Variants in NTRK3 observed in about 807,000 individuals in gnomAD.
NTRK3 encodes the protein neurotrophic receptor tyrosine kinase 3.
In NTRK3, 24 loss-of-function variants were observed where a neutral mutation model predicts 91.7. That is an observed-to-expected ratio of 0.26 (90% CI 0.19 to 0.37). The LOEUF is 0.37. Ranked by LOEUF, NTRK3 falls within the 10% of genes least tolerant of loss-of-function variation. The pLI, the probability that NTRK3 is intolerant of heterozygous loss-of-function variation, is 1.00. For missense variants in NTRK3, 880 were observed against 1,068.9 expected, an observed-to-expected ratio of 0.82 and a Z score of 2.46; for synonymous variants, 483 against 404.0, an observed-to-expected ratio of 1.20 and a Z score of -2.34.
intron 13 of NTRK3, among the ~76,000 whole-genome samples, chr15:88,060,298 C>T (rs1438426845): frequency 6.6e-6 from 1 of 150,810 alleles, no homozygotes; most frequent in East Asian, 2.0e-4. Context: ...GCAGGAAACT[C>T]GCTTAAACCC....
intron 13 of NTRK3, among the ~76,000 whole-genome samples, chr15:88,037,167 G>A (rs1393069510): frequency 1.3e-5 from 2 of 152,186 alleles, no homozygotes; most frequent in African/African-American, 4.8e-5. Flanking sequence ...TCAGAGCCCT[G>A]GGGACCCCAA....
intron 13 of NTRK3, among the ~76,000 whole-genome samples, chr15:88,091,715 G>A (rs927135039): frequency 2.0e-5 from 3 of 152,216 alleles, no homozygotes; most frequent in African/African-American, 7.2e-5. Flanking sequence ...GGACACAAGG[G>A]TGGGAGATGA....
At chr15:88,044,463 G>C (rs2079968504) in intron 13 of NTRK3, among the ~76,000 whole-genome samples, 1 of 151,546 alleles carries the variant, frequency 6.6e-6, no homozygotes, top group South Asian at 2.1e-4. Context: ...GGGTTTCACT[G>C]TGTTGGCCAG....
intron 3 of NTRK3, among the ~76,000 whole-genome samples, chr15:88,226,481 C>T (rs1469553650): frequency 6.6e-6 from 1 of 152,190 alleles, no homozygotes; most frequent in Non-Finnish European, 1.5e-5. Flanking sequence ...GGTGGGTCTC[C>T]AGTTCCAACA....
chr15:88,012,819 G>A (rs1356736174), intron 14 of NTRK3, among the ~76,000 whole-genome samples: 1 of 152,170 alleles, frequency 6.6e-6, no homozygotes, highest in African/African-American at 2.4e-5. Context: ...TCACCCAGAG[G>A]GCTTATTGAA....
chr15:88,202,562 T>G (rs779772686), intron 3 of NTRK3, among the ~76,000 whole-genome samples: 1 of 152,218 alleles, frequency 6.6e-6, no homozygotes, highest in Non-Finnish European at 1.5e-5. Context: ...GATGCCCTTT[T>G]GACTAAGCGA....
At chr15:88,146,861 A>G (rs2151307533) in intron 6 of NTRK3, among the ~76,000 whole-genome samples, 1 of 152,278 alleles carries the variant, frequency 6.6e-6, no homozygotes. Context: ...TAGAAATGTG[A>G]TCTTAGTTGA....
exon 19 of NTRK3, chr15:87,865,309 A>T (rs2064637041): frequency 4.8e-6 from 1 of 210,014 alleles, no homozygotes; most frequent in East Asian, 7.2e-5. Flanking sequence ...GAGTACTTAT[A>T]ATAGTGGCTT....
At chr15:88,220,947 C>T (rs2050184109) in intron 3 of NTRK3, among the ~76,000 whole-genome samples, 1 of 152,210 alleles carries the variant, frequency 6.6e-6, no homozygotes, top group Admixed American at 6.5e-5. Flanking sequence ...GATTCTTGGG[C>T]TTAACCCCAG....
At chr15:87,956,531 C>A (rs1469738490) in intron 14 of NTRK3, among the ~76,000 whole-genome samples, 2 of 151,788 alleles carry the variant, frequency 1.3e-5, no homozygotes, top group Admixed American at 1.3e-4. Flanking sequence ...GCCTAAGCCT[C>A]CCGAAGTGCT....
At chr15:88,081,519 G>A (rs1311017820) in intron 13 of NTRK3, among the ~76,000 whole-genome samples, 7 of 152,214 alleles carry the variant, frequency 4.6e-5, no homozygotes, top group Non-Finnish European at 1.0e-4. Context: ...GCCTATGACA[G>A]GCATGGGCCC....
intron 17 of NTRK3, among the ~76,000 whole-genome samples, chr15:87,922,236 G>A (rs1011322481): frequency 3.9e-5 from 6 of 152,162 alleles, no homozygotes; most frequent in Admixed American, 2.0e-4. Flanking sequence ...AGTTTCTCCC[G>A]ACTTGAAGGC....
Position 88,240,166 on chromosome 15 carries a change from T to C in NTRK3, c.248+15740A>G, listed in dbSNP as rs1036215619. ...CCCAGAGAAACCCAGGGCTGCTGCA[T>C]CTGTATGGCTCCCCTACTTTCCCAT... is the stretch of plus-strand genomic sequence containing the variant. On this transcript the variant is annotated intron_variant, in intron 3 of 18. Transcript: ENST00000394480. The surrounding 1 kb of genome is among the most constrained non-coding windows in gnomAD (Gnocchi z 4.9). Among the ~76,000 whole-genome samples, 6 of 143,166 alleles carry C rather than the reference T, an allele frequency of 4.2e-5. No homozygotes were observed. The highest frequency in any genetic ancestry group is 1.5e-5 in the Non-Finnish European group (1 of 66,648). 93.9% of individuals were successfully genotyped at this position (143,166 alleles called of 152,430 possible).
chr15:88,244,216 T>C (rs113379503), intron 3 of NTRK3, among the ~76,000 whole-genome samples: 2 of 152,188 alleles, frequency 1.3e-5, no homozygotes, highest in Admixed American at 6.5e-5. Flanking sequence ...CAGAAAGAGA[T>C]AGATGGCCAA....
chr15:88,123,370 G>A (rs889052489), intron 13 of NTRK3, among the ~76,000 whole-genome samples: 3 of 152,214 alleles, frequency 2.0e-5, no homozygotes, highest in African/African-American at 7.2e-5. Flanking sequence ...TGGATGTGAA[G>A]AGACAAGGCT....
intron 14 of NTRK3, among the ~76,000 whole-genome samples, chr15:87,974,869 G>C (rs1054083690): frequency 5.9e-5 from 9 of 152,180 alleles, no homozygotes; most frequent in African/African-American, 2.2e-4. Flanking sequence ...TCTGTCTTAG[G>C]AGTGGAGTGG....
At chr15:87,941,799 A>G (rs534825194) in intron 14 of NTRK3, among the ~76,000 whole-genome samples, 19 of 152,226 alleles carry the variant, frequency 1.2e-4, no homozygotes, top group Non-Finnish European at 2.8e-4. Context: ...ACCTATTTGG[A>G]AAGAATGCTA....
At chr15:87,952,723 G>A (rs2141127330) in intron 14 of NTRK3, among the ~76,000 whole-genome samples, 1 of 152,180 alleles carries the variant, frequency 6.6e-6, no homozygotes, top group Non-Finnish European at 1.5e-5. Flanking sequence ...CCCACCCTCC[G>A]CAGACTGAGG....
chr15:87,912,923 T>TA (rs71460480), intron 17 of NTRK3, among the ~76,000 whole-genome samples: 9 of 39,792 alleles, frequency 2.3e-4, no homozygotes, highest in South Asian at 9.8e-4. Flanking sequence ...TTTCAAAAAG[T>TA]AAAAAAAAAT....
Sources: gnomAD v4.1 joint callset for allele counts (sites outside exome capture counted in the v4.1 genomes callset) on GRCh38, gnomAD v4.1.1 for gene constraint, Gnocchi (gnomAD v3.1) non-coding constraint, MANE v1.5 for transcripts, NCBI Gene and HGNC (gene_info 2026-07-23, HGNC 2026-07-21) for gene names.